The following UTRN variants were observed in gnomAD, a reference collection of about 807,000 sequenced individuals.
UTRN encodes utrophin.
In UTRN, 283 loss-of-function variants were observed where a neutral mutation model predicts 463.9. The ratio of observed to expected loss-of-function variants is 0.61; its 90% CI spans 0.55 to 0.67. The LOEUF is 0.67. Among genes scored for constraint, UTRN ranks in the 30% least tolerant of loss-of-function variants. UTRN has a pLI of 0.00. For missense variants in UTRN, 3,922 were observed against 4,084.3 expected, an observed-to-expected ratio of 0.96 and a Z score of 1.08; for synonymous variants, 1,442 against 1,431.5, an observed-to-expected ratio of 1.01 and a Z score of -0.17.
At chr6:144,441,710 G>T (rs1787183263) in intron 13 of UTRN, among the ~76,000 whole-genome samples, 1 of 152,210 alleles carries the variant, frequency 6.6e-6, no homozygotes, top group Non-Finnish European at 1.5e-5. Context: ...TTTCCCTTCT[G>T]CACTGCCCTA....
intron 45 of UTRN, among the ~76,000 whole-genome samples, chr6:144,542,235 A>G (rs1229753568): frequency 2.0e-5 from 3 of 152,190 alleles, no homozygotes; most frequent in Non-Finnish European, 4.4e-5. Flanking sequence ...GTCAGGGAAG[A>G]TAGGGATAAG....
At position 144,343,716 on chromosome 6, in the gene UTRN, C is replaced by T. The variant is rs182300592; in HGVS notation, c.79+51809C>T. 5.9e-5 allele frequency among the ~76,000 whole-genome samples: 9 copies of T among 152,220 alleles called. No homozygotes were observed. The East Asian group carries it at 1.2e-3, about 20-fold the overall frequency. On this transcript the variant is annotated intron_variant, in intron 2 of 74. Transcript: ENST00000367545. ...GAAGAAATCCTTTTCAGTTTTACTT[C>T]CCCAAGGTGTGTATAACTACTATAG...
chr6:144,524,596 C>T (rs1225326916), intron 41 of UTRN, among the ~76,000 whole-genome samples: 2 of 152,040 alleles, frequency 1.3e-5, no homozygotes, highest in African/African-American at 4.8e-5. Flanking sequence ...TTGGATGAGT[C>T]TTTAGGGTTT....
Position 144,793,387 on chromosome 6 carries a change from G to GA in UTRN, c.8921-447_8921-446insA, listed in dbSNP as rs368157562. On this transcript the variant is annotated intron_variant, in intron 62 of 74. Coordinates refer to ENST00000367545, the MANE Select transcript of UTRN (RefSeq NM_007124.3). ...GTCTCTCCAGTAGATGAGATTACAG[G>GA]CATGCACCACAGCACCCAACTACAT... Among the ~76,000 whole-genome samples, 752 of 152,128 alleles carry GA rather than the reference G, an allele frequency of 4.9e-3. 5 individuals carry two copies. Among genetic ancestry groups the GA allele is most frequent in the African/African-American group, 0.017 (718 of 41,492 alleles).
intron 2 of UTRN, among the ~76,000 whole-genome samples, chr6:144,349,776 A>G (rs575509573): frequency 6.6e-6 from 1 of 152,100 alleles, no homozygotes; most frequent in Non-Finnish European, 1.5e-5. Flanking sequence ...TCTGACCCCT[A>G]CTTAGAGGGC....
intron 51 of UTRN, among the ~76,000 whole-genome samples, chr6:144,663,284 G>T (rs953947868): frequency 1.3e-5 from 2 of 152,310 alleles, no homozygotes; most frequent in Admixed American, 1.3e-4. Context: ...TAAGGGATGA[G>T]AAGTTGTGGC....
chr6:144,749,989 T>G (rs1281127521), intron 55 of UTRN, among the ~76,000 whole-genome samples: 2 of 152,178 alleles, frequency 1.3e-5, no homozygotes, highest in Non-Finnish European at 2.9e-5. Context: ...TTTTAAAAGC[T>G]AATTACAGTT....
chr6:144,642,446 ATTTTGAGGGATT>A (rs1777869534), intron 51 of UTRN, among the ~76,000 whole-genome samples: 2 of 152,078 alleles, frequency 1.3e-5, no homozygotes, highest in South Asian at 4.2e-4. Flanking sequence ...AAAGTAATAC[ATTTTGAGGGATT>A]TTTGAGAAGT....
At chr6:144,416,078 T>G (rs1180639874) in intron 3 of UTRN, among the ~76,000 whole-genome samples, 2 of 152,088 alleles carry the variant, frequency 1.3e-5, no homozygotes, top group Non-Finnish European at 2.9e-5. Flanking sequence ...TGTGTGGGTG[T>G]GTGCATATTT....
In UTRN at chr6:144,411,867, G is replaced by T. The variant is rs140757351; in HGVS notation, c.141+8683G>T. Among the ~76,000 whole-genome samples, 14 of 152,042 alleles carry T rather than the reference G, an allele frequency of 9.2e-5. No individual in the cohort carries two copies. In the East Asian group the frequency reaches 2.3e-3, roughly 25 times the overall value. The stretch of plus-strand genomic sequence containing the variant: ...TCTTTTTCAATTCTTAGCAACTTAT[G>T]CTGACCACCCAGAATTCTTAAAGAG... On this transcript the variant is annotated intron_variant, in intron 3 of 74. Coordinates refer to ENST00000367545, the MANE Select transcript of UTRN (RefSeq NM_007124.3).
chr6:144,422,904 G>A (rs769977636), intron 4 of UTRN, among the ~76,000 whole-genome samples: 3 of 152,184 alleles, frequency 2.0e-5, no homozygotes, highest in African/African-American at 7.2e-5. Context: ...TCCAGGTAGT[G>A]GGTAGACAAC....
At chr6:144,363,282 A>G (rs1211958355) in intron 2 of UTRN, among the ~76,000 whole-genome samples, 4 of 152,162 alleles carry the variant, frequency 2.6e-5, no homozygotes, top group Non-Finnish European at 5.9e-5. Flanking sequence ...TCTCACTTCG[A>G]GAAGCACTGA....
At chr6:144,833,493 A>G (rs978311781) in intron 69 of UTRN, among the ~76,000 whole-genome samples, 5 of 152,082 alleles carry the variant, frequency 3.3e-5, no homozygotes, top group South Asian at 4.1e-4. Context: ...TTCTTTTGTT[A>G]TTATTATTTT....
At chr6:144,289,233 C>T (rs1803994209) in intron 1 of UTRN, among the ~76,000 whole-genome samples, 1 of 152,218 alleles carries the variant, frequency 6.6e-6, no homozygotes, top group Admixed American at 6.5e-5. Flanking sequence ...TCACACTTCA[C>T]CTAATTGCCT....
intron 50 of UTRN, among the ~76,000 whole-genome samples, chr6:144,560,692 G>A (rs994152757): frequency 2.6e-5 from 4 of 152,070 alleles, no homozygotes; most frequent in Non-Finnish European, 4.4e-5. Flanking sequence ...ACAATTATAA[G>A]TCCACAATCC....
In UTRN at chr6:144,418,485, A is replaced by G. The variant is rs1439435018; in HGVS notation, c.142-3393A>G. 4.0e-5 allele frequency among the ~76,000 whole-genome samples: 6 copies of G among 151,656 alleles called. No individual in the cohort carries two copies. The East Asian group carries it at 1.2e-3, about 29-fold the overall frequency. ...TGGTCCGCCCGCCTCGGCCTCCTAA[A>G]GTGCTGGGATTACAGGCGTGAGCCA... On this transcript the variant is annotated intron_variant, in intron 3 of 74. Transcript: ENST00000367545.
chr6:144,797,508 A>G lies in UTRN; in HGVS notation c.9079-316A>G, dbSNP rs12661505. Among the ~76,000 whole-genome samples the G allele has an allele frequency of 3.1e-3, 479 of 152,296 alleles. 19 individuals carry two copies. In the East Asian group the frequency reaches 0.077, roughly 24 times the overall value. On this transcript the variant is annotated intron_variant, in intron 63 of 74. Coordinates refer to ENST00000367545, the MANE Select transcript of UTRN (RefSeq NM_007124.3). ...CCACACCCGGCCAAATGAGTTTTAC[A>G]GAATTATTTATGTAAAAAGATGACT... is the stretch of plus-strand genomic sequence containing the variant.
At chr6:144,495,258 C>T (rs1181585837) in intron 33 of UTRN, among the ~76,000 whole-genome samples, 4 of 152,310 alleles carry the variant, frequency 2.6e-5, no homozygotes, top group East Asian at 1.9e-4. Flanking sequence ...GTGGGAGGCT[C>T]AGGAATGGCG....
chr6:144,429,436 A>G (rs1441095121), intron 8 of UTRN, 145 bp from the exon 9 acceptor site: 8 of 619,614 alleles, frequency 1.3e-5, no homozygotes, highest in Non-Finnish European at 1.5e-5. Flanking sequence ...ATATATTATG[A>G]AGTGGCAATT....
Sources: gnomAD v4.1 joint callset for allele counts (sites outside exome capture counted in the v4.1 genomes callset) on GRCh38, gnomAD v4.1.1 for gene constraint, MANE v1.5 for transcripts, NCBI Gene and HGNC (gene_info 2026-07-23, HGNC 2026-07-21) for gene names.